Variants in DNAAF11 observed in about 807,000 individuals in gnomAD.
DNAAF11 encodes leucine rich repeat containing 6.
A neutral mutation model predicts 60.8 loss-of-function variants in DNAAF11; 45 were observed. The ratio of observed to expected loss-of-function variants is 0.74; its 90% CI spans 0.58 to 0.95. DNAAF11 has a LOEUF of 0.95. Among genes scored for constraint, DNAAF11 ranks in the 40% least tolerant of loss-of-function variants. DNAAF11 has a pLI of 0.00. For synonymous variants in DNAAF11, 191 were observed against 183.5 expected (o/e 1.04, Z -0.33); for missense variants, 546 against 546.2 (o/e 1.00, Z 0.00).
chr8:132,677,858 A>T (rs1363891143), upstream of DNAAF11, among the ~76,000 whole-genome samples: 1 of 152,178 alleles, frequency 6.6e-6, no homozygotes, highest in African/African-American at 2.4e-5. Flanking sequence ...CACATGACAG[A>T]AGGGATAGAA....
chr8:132,646,213 A>C (rs1353965902), intron 3 of DNAAF11, among the ~76,000 whole-genome samples: 1 of 152,208 alleles, frequency 6.6e-6, no homozygotes, highest in Non-Finnish European at 1.5e-5. Flanking sequence ...TTTTCAACCC[A>C]GAATTTCATA....
chr8:132,654,190 TATAATA>T (rs1348482501), intron 3 of DNAAF11, among the ~76,000 whole-genome samples: 1 of 152,026 alleles, frequency 6.6e-6, no homozygotes, highest in Non-Finnish European at 1.5e-5. Context: ...AAGGACATTT[TATAATA>T]ATAATAACAT....
At chr8:132,662,811 G>T (rs1406546444) in intron 1 of DNAAF11, among the ~76,000 whole-genome samples, 8 of 152,278 alleles carry the variant, frequency 5.3e-5, no homozygotes, top group Admixed American at 3.9e-4. Flanking sequence ...TCCTGAAGGT[G>T]CAGACTCCTC....
intron 11 of DNAAF11, among the ~76,000 whole-genome samples, chr8:132,577,821 C>A (rs759263376): frequency 6.6e-6 from 1 of 152,008 alleles, no homozygotes; most frequent in Non-Finnish European, 1.5e-5. Context: ...GCCACCATGC[C>A]TGGCTAATTT....
At chr8:132,622,975 C>T (rs1422708796) in intron 6 of DNAAF11, among the ~76,000 whole-genome samples, 2 of 152,146 alleles carry the variant, frequency 1.3e-5, no homozygotes, top group Non-Finnish European at 2.9e-5. Context: ...AACTCCTTTT[C>T]ATGAATGTCT....
the DNAAF11 span, among the ~76,000 whole-genome samples, chr8:132,683,884 A>G: frequency 6.6e-6 from 1 of 152,116 alleles, no homozygotes; most frequent in Non-Finnish European, 1.5e-5. Context: ...GTGAGAATAC[A>G]TGACCTTACT....
intron 8 of DNAAF11, among the ~76,000 whole-genome samples, chr8:132,614,620 T>C (rs116250056): frequency 0.01 from 1,597 of 152,128 alleles, 31 homozygotes; most frequent in African/African-American, 0.036. Flanking sequence ...GGTCCACTGG[T>C]GACAGGGGCT....
At chr8:132,700,765 G>A in the DNAAF11 span, among the ~76,000 whole-genome samples, 1 of 152,172 alleles carries the variant, frequency 6.6e-6, no homozygotes, top group African/African-American at 2.4e-5. Flanking sequence ...CCCAAGGTTT[G>A]GGGTCTGGGT....
Position 132,637,111 on chromosome 8 carries a change from T to C in DNAAF11, c.429+824A>G, listed in dbSNP as rs533929827. ...ATTTTTTCCTCAGTTCTAAAATTACTCGATTGGGGGGATATGGTATAAGAG... is the reference window on the plus strand; with the variant it reads ...ATTTTTTCCTCAGTTCTAAAATTACCCGATTGGGGGGATATGGTATAAGAG... On this transcript the variant is annotated intron_variant, in intron 4 of 11. Coordinates refer to ENST00000620350, the MANE Select transcript of DNAAF11 (RefSeq NM_012472.6). Among the ~76,000 whole-genome samples, 119 of 152,288 alleles carry C rather than the reference T, an allele frequency of 7.8e-4. No individual in the cohort carries two copies. The Middle Eastern group carries it at 0.01, about 13-fold the overall frequency.
At chr8:132,619,280 A>G (rs1819516076) in intron 7 of DNAAF11, among the ~76,000 whole-genome samples, 1 of 143,018 alleles carries the variant, frequency 7.0e-6, no homozygotes. Flanking sequence ...GGGGAACATC[A>G]CACTCTGGGG....
At chr8:132,616,445 G>C (rs1819165242) in intron 7 of DNAAF11, among the ~76,000 whole-genome samples, 1 of 152,046 alleles carries the variant, frequency 6.6e-6, no homozygotes, top group South Asian at 2.1e-4. Context: ...GTGGTGGTGG[G>C]GTCAGTGAGA....
intron 7 of DNAAF11, 144 bp from the exon 8 acceptor site, chr8:132,615,241 T>C (rs1819029291): frequency 6.0e-6 from 3 of 500,056 alleles, no homozygotes; most frequent in African/African-American, 1.9e-5. Flanking sequence ...AACAATCAAA[T>C]ATCAACGGTA....
upstream of DNAAF11, among the ~76,000 whole-genome samples, chr8:132,679,486 G>C (rs943729853): frequency 3.3e-5 from 5 of 152,300 alleles, no homozygotes; most frequent in African/African-American, 1.2e-4. Flanking sequence ...TTATTGGACT[G>C]TTCTTTTTCT....
At chr8:132,582,451 G>C (rs959665307) in intron 11 of DNAAF11, among the ~76,000 whole-genome samples, 1 of 152,208 alleles carries the variant, frequency 6.6e-6, no homozygotes, top group Non-Finnish European at 1.5e-5. Context: ...TTCCATTGCT[G>C]ATTCCTCACA....
chr8:132,609,701 C>A (rs1048146232), intron 10 of DNAAF11, among the ~76,000 whole-genome samples: 1 of 152,090 alleles, frequency 6.6e-6, no homozygotes, highest in African/African-American at 2.4e-5. Flanking sequence ...GGAAGAAAAC[C>A]AGTCTGAGGA....
intron 10 of DNAAF11, among the ~76,000 whole-genome samples, chr8:132,587,072 T>C (rs1815978735): frequency 6.6e-6 from 1 of 152,162 alleles, no homozygotes; most frequent in African/African-American, 2.4e-5. Flanking sequence ...TTGCAATACA[T>C]GCACCAATGA....
intron 3 of DNAAF11, among the ~76,000 whole-genome samples, chr8:132,649,671 G>A (rs1822797875): frequency 6.6e-6 from 1 of 152,120 alleles, no homozygotes; most frequent in African/African-American, 2.4e-5. Flanking sequence ...AAATTCACAA[G>A]AAAAAATCAA....
intron 10 of DNAAF11, among the ~76,000 whole-genome samples, chr8:132,590,539 T>C (rs1816358499): frequency 6.6e-6 from 1 of 152,246 alleles, no homozygotes; most frequent in South Asian, 2.1e-4. Context: ...TCCTGTACTG[T>C]ATACATTTTG....
In DNAAF11 at chr8:132,570,921, A is replaced by G. The variant is rs1463042034; in HGVS notation, c.*1385T>C. Among the ~76,000 whole-genome samples, 1 of 152,220 alleles carries G rather than the reference A, an allele frequency of 6.6e-6. No homozygotes were observed. The highest frequency in any genetic ancestry group is 2.4e-5 in the African/African-American group (1 of 41,460). On this transcript the variant is annotated 3_prime_UTR_variant, in exon 12 of 12. Coordinates refer to ENST00000620350, the MANE Select transcript of DNAAF11 (RefSeq NM_012472.6). ...AATCACAGTCCTACTTCAGCTTCTC[A>G]GATTCTGTGCAAGTTCTGAATTGTC...
Sources: allele counts gnomAD v4.1 joint callset (sites outside exome capture counted in the v4.1 genomes callset), GRCh38; gene constraint gnomAD v4.1.1; transcripts MANE v1.5; gene names NCBI Gene and HGNC (gene_info 2026-07-23, HGNC 2026-07-21).